SERPINB10: variants seen among roughly 807,000 people sequenced by gnomAD.
SERPINB10 encodes serpin B10.
SERPINB10 carries 35 observed loss-of-function variants against 39.1 expected under a neutral mutation model. The ratio of observed to expected loss-of-function variants is 0.90; its 90% CI spans 0.68 to 1.19. The LOEUF is 1.19. Ranked by LOEUF, SERPINB10 falls within the 50% of genes most tolerant of loss-of-function variation. SERPINB10 has a pLI of 0.00. For missense variants in SERPINB10, 546 were observed against 460.5 expected, an observed-to-expected ratio of 1.19 and a Z score of -1.70; for synonymous variants, 190 against 158.1, an observed-to-expected ratio of 1.20 and a Z score of -1.52.
At chr18:63,919,974 T>C in intron 5 of SERPINB10, 69 bp downstream of exon 5, 1 of 937,664 alleles carries the variant, frequency 1.1e-6, no homozygotes. Context: ...TTAGTTTGTG[T>C]CATATGTAAG....
intron 6 of SERPINB10, among the ~76,000 whole-genome samples, chr18:63,930,662 G>A (rs903475888): frequency 1.3e-5 from 2 of 152,140 alleles, no homozygotes; most frequent in Non-Finnish European, 2.9e-5. Context: ...GCTGGAGTGT[G>A]GCTGGGCCTT....
At chr18:63,911,742 G>T (rs532166011) in intron 1 of SERPINB10, among the ~76,000 whole-genome samples, 2 of 151,916 alleles carry the variant, frequency 1.3e-5, no homozygotes, top group South Asian at 4.2e-4. Flanking sequence ...TTTGCTTAGG[G>T]TTGCTTTGGA....
intron 1 of SERPINB10, among the ~76,000 whole-genome samples, chr18:63,914,984 T>C (rs537268447): frequency 1.3e-5 from 2 of 152,232 alleles, no homozygotes; most frequent in South Asian, 4.1e-4. Context: ...TAGTTGTGCA[T>C]GATTCCATGT....
At chr18:63,933,285 A>G (rs1025005152) in intron 7 of SERPINB10, 82 bp downstream of exon 7, 30 of 1,454,072 alleles carry the variant, frequency 2.1e-5, no homozygotes, top group Non-Finnish European at 2.5e-5. Context: ...GTTTCTCCCA[A>G]TTGTCCTCAG....
intron 4 of SERPINB10, among the ~76,000 whole-genome samples, chr18:63,918,815 T>C (rs989904869): frequency 6.6e-6 from 1 of 151,980 alleles, no homozygotes; most frequent in African/African-American, 2.4e-5. Flanking sequence ...GTTTCCTTTC[T>C]TGTAGGCTCA....
At chr18:63,916,174 A>G (rs2050100903) in intron 2 of SERPINB10, among the ~76,000 whole-genome samples, 1 of 151,986 alleles carries the variant, frequency 6.6e-6, no homozygotes, top group Non-Finnish European at 1.5e-5. Flanking sequence ...TACAATAACA[A>G]TATAATACTA....
At chr18:63,918,814 C>T (rs957212456) in intron 4 of SERPINB10, among the ~76,000 whole-genome samples, 1 of 151,922 alleles carries the variant, frequency 6.6e-6, no homozygotes, top group African/African-American at 2.4e-5. Context: ...AGTTTCCTTT[C>T]TTGTAGGCTC....
chr18:63,929,203 T>A (rs2050201949), intron 5 of SERPINB10, among the ~76,000 whole-genome samples: 1 of 152,156 alleles, frequency 6.6e-6, no homozygotes, highest in Admixed American at 6.6e-5. Flanking sequence ...ATGTATATAT[T>A]TTTTCCATCA....
chr18:63,928,070 A>AT (rs5825544), intron 5 of SERPINB10, among the ~76,000 whole-genome samples: 43 of 149,868 alleles, frequency 2.9e-4, no homozygotes, highest in Non-Finnish European at 4.0e-4. Flanking sequence ...ATCATGTTTA[A>AT]TTTTTTTTTT....
intron 1 of SERPINB10, among the ~76,000 whole-genome samples, chr18:63,908,639 G>T (rs1367434138): frequency 6.6e-6 from 1 of 151,854 alleles, no homozygotes; most frequent in African/African-American, 2.4e-5. Context: ...CATCATACTA[G>T]GTGCTCTTCA....
At chr18:63,911,321 T>C (rs2050062775) in intron 1 of SERPINB10, among the ~76,000 whole-genome samples, 1 of 151,976 alleles carries the variant, frequency 6.6e-6, no homozygotes, top group South Asian at 2.1e-4. Context: ...GCAATTGCTT[T>C]TGAAGACTTA....
rs957320805 is a variant in SERPINB10 at position 63,935,462 on chromosome 18, T to A, written c.*220T>A. On this transcript the variant is annotated 3_prime_UTR_variant, in exon 8 of 8. Transcript: ENST00000238508. ...TTATTTTTAACACGTTAACATTTTG[T>A]CTAATGTGACTTTCATTTACATTTC... The A allele has an allele frequency of 4.2e-6, 2 of 473,652 alleles. No individual in the cohort carries two copies. Among genetic ancestry groups the A allele is most frequent in the East Asian group, 6.7e-5 (2 of 29,842 alleles). The allele number at this position is 473,652 out of a possible 1,614,324, so 29.3% of individuals were successfully genotyped here.
intron 1 of SERPINB10, among the ~76,000 whole-genome samples, chr18:63,913,047 T>TTA (rs1221866313): frequency 6.0e-4 from 92 of 152,178 alleles, no homozygotes; most frequent in African/African-American, 2.1e-3. Flanking sequence ...TTCTCTAGAT[T>TTA]ATCTAGTTTG....
Position 63,930,338 on chromosome 18 carries a change from T to TG in SERPINB10, c.633+155dup, listed in dbSNP as rs199760882. ...GCTGGGCTAAAAGCCTTCAGTTCCA[T>TG]GGGGAATTCATTGAAATTCCCCTGT... On this transcript the variant is annotated intron_variant, in intron 6 of 7. Transcript: ENST00000238508. 1,105 of 817,228 alleles carry TG rather than the reference T, an allele frequency of 1.4e-3. 11 individuals carry two copies. In the African/African-American group the frequency reaches 0.016, roughly 12 times the overall value. 50.6% of individuals were successfully genotyped at this position (817,228 alleles called of 1,614,324 possible). A position where few individuals can be genotyped will look rare whatever the true frequency, so the allele number is the denominator to read the frequency against.
At chr18:63,922,697 G>A (rs752263116) in intron 5 of SERPINB10, among the ~76,000 whole-genome samples, 6 of 151,910 alleles carry the variant, frequency 3.9e-5, no homozygotes, top group Non-Finnish European at 8.8e-5. Flanking sequence ...TGCACTGAAG[G>A]TACATAACAA....
chr18:63,911,413 A>G (rs1255900583), intron 1 of SERPINB10, among the ~76,000 whole-genome samples: 4 of 151,204 alleles, frequency 2.6e-5, no homozygotes, highest in Admixed American at 1.3e-4. Context: ...ATAGTCTGAG[A>G]TCTTACATTC....
At position 63,935,168 on chromosome 18, in the gene SERPINB10, C is replaced by A; in HGVS notation, c.1120C>A (p.His374Asn). Reference protein sequence around the residue: ...RVPSIEFNANHPFLFFIRHNK... With the variant: ...RVPSIEFNANNPFLFFIRHNK... ...CCCATCCATTGAATTCAATGCAAATCACCCATTCCTCTTCTTCATCAGGCA... is the reference window on the plus strand; with the variant it reads ...CCCATCCATTGAATTCAATGCAAATAACCCATTCCTCTTCTTCATCAGGCA... The change falls in exon 8 of 8, where the codon CAC becomes AAC. Residue 374 changes from histidine (H) to asparagine (N), a missense_variant. Transcript: ENST00000238508. The A allele has an allele frequency of 6.2e-7, 1 of 1,612,672 alleles. No homozygotes were observed. Among genetic ancestry groups the A allele is most frequent in the Non-Finnish European group, 8.5e-7 (1 of 1,179,802 alleles).
intron 1 of SERPINB10, among the ~76,000 whole-genome samples, chr18:63,911,254 T>C (rs762737757): frequency 6.6e-6 from 1 of 152,240 alleles, no homozygotes; most frequent in Non-Finnish European, 1.5e-5. Context: ...CTGTTGATAG[T>C]TTCTTTTGCT....
chr18:63,930,182 A>G lies in SERPINB10; in HGVS notation c.628A>G (p.Asn210Asp). ...CACCACAGAAAAGCCTTTTAGAATA[A>G]ACGAGGTAGGAAATTTTTAAAGATC... The part of the protein sequence containing the change: ...QNTTEKPFRI[N>D]ETTSKPVQMM... The change falls in exon 6 of 8, where the codon AAC (asparagine) becomes GAC (aspartate). Residue 210 changes from asparagine to aspartate, a missense_variant. Asn to Asp is a conservative substitution (Grantham distance 23, BLOSUM62 1). Transcript: ENST00000238508. 1.9e-6 allele frequency: 3 copies of G among 1,612,362 alleles called. No homozygotes were observed. The highest frequency in any genetic ancestry group is 2.5e-6 in the Non-Finnish European group (3 of 1,179,256).
Sources: gnomAD v4.1 joint callset for allele counts (sites outside exome capture counted in the v4.1 genomes callset) on GRCh38, gnomAD v4.1.1 for gene constraint, MANE v1.5 for transcripts, NCBI Gene and HGNC (gene_info 2026-07-23, HGNC 2026-07-21) for gene names.